The following TLL2 variants were observed in gnomAD, a reference collection of about 807,000 sequenced individuals.
TLL2 encodes the protein tolloid like 2.
In TLL2, 106 loss-of-function variants were observed where a neutral mutation model predicts 123.0. The observed-to-expected ratio is 0.86, with a 90% confidence interval of 0.74 to 1.01. The LOEUF is 1.01. Ranked by LOEUF, TLL2 falls within the 50% of genes least tolerant of loss-of-function variation. TLL2 has a pLI of 0.00. For missense variants in TLL2, 1,332 were observed against 1,336.7 expected (o/e 1.00, Z 0.06); for synonymous variants, 494 against 516.8 (o/e 0.96, Z 0.60).
intron 18 of TLL2, among the ~76,000 whole-genome samples, chr10:96,376,260 A>G (rs1374062941): frequency 6.6e-6 from 1 of 152,234 alleles, no homozygotes; most frequent in Admixed American, 6.5e-5. Context: ...ATCCATAAGA[A>G]TGTGTTTAGA....
intron 2 of TLL2, among the ~76,000 whole-genome samples, chr10:96,448,698 A>G (rs1846924653): frequency 6.6e-6 from 1 of 152,164 alleles, no homozygotes; most frequent in African/African-American, 2.4e-5. Context: ...ATGTAGGTGG[A>G]TATCTGGAGA....
chr10:96,379,191 T>A, intron 16 of TLL2, 99 bp from the exon 17 acceptor site: 4 of 1,437,238 alleles, frequency 2.8e-6, no homozygotes, highest in Non-Finnish European at 3.8e-6. Flanking sequence ...CTGGGAAGCC[T>A]CTCTGATTGC....
At chr10:96,422,408 C>T (rs907373148) in intron 6 of TLL2, 141 bp downstream of exon 6, 2 of 1,005,796 alleles carry the variant, frequency 2.0e-6, no homozygotes, top group South Asian at 1.6e-5. Context: ...GTGAGACGGG[C>T]CTGTACAACA....
At chr10:96,376,627 G>A in intron 18 of TLL2, 65 bp downstream of exon 18, 1 of 1,558,648 alleles carries the variant, frequency 6.4e-7, no homozygotes, top group South Asian at 1.2e-5. Context: ...GCAGAGCAGA[G>A]ACTCAAACGC....
chr10:96,451,790 T>C (rs541279964), intron 2 of TLL2, among the ~76,000 whole-genome samples: 6 of 152,324 alleles, frequency 3.9e-5, no homozygotes, highest in African/African-American at 9.6e-5. Flanking sequence ...CACACCGCCA[T>C]TGGGTGGAGA....
At chr10:96,410,262 G>A (rs1390750165) in intron 9 of TLL2, 97 bp downstream of exon 9, 5 of 864,738 alleles carry the variant, frequency 5.8e-6, no homozygotes, top group African/African-American at 1.7e-5. Flanking sequence ...GCTTATAACC[G>A]AACAGCTGTT....
chr10:96,379,589 A>T (rs1846167887), intron 16 of TLL2, among the ~76,000 whole-genome samples: 1 of 152,190 alleles, frequency 6.6e-6, no homozygotes. Context: ...TGGGAGGCCG[A>T]GGTGGGTGGA....
At chr10:96,372,724 G>A (rs967066192) in intron 19 of TLL2, among the ~76,000 whole-genome samples, 2 of 152,162 alleles carry the variant, frequency 1.3e-5, no homozygotes, top group Non-Finnish European at 2.9e-5. Flanking sequence ...TCATAGACCA[G>A]CAAAATACCT....
intron 1 of TLL2, among the ~76,000 whole-genome samples, chr10:96,486,811 G>A (rs983801954): frequency 7.2e-5 from 11 of 152,342 alleles, no homozygotes; most frequent in African/African-American, 1.9e-4. Flanking sequence ...GCAGAGCAGC[G>A]GGGGCCGCTC....
intron 1 of TLL2, among the ~76,000 whole-genome samples, chr10:96,494,473 G>A (rs1847450817): frequency 6.6e-6 from 1 of 152,134 alleles, no homozygotes. Context: ...CAAACACCCG[G>A]GTTTTATCCG....
intron 3 of TLL2, among the ~76,000 whole-genome samples, chr10:96,441,438 T>A (rs1846849665): frequency 6.6e-6 from 1 of 152,198 alleles, no homozygotes; most frequent in Non-Finnish European, 1.5e-5. Context: ...TTCTGGTGTC[T>A]GCCTCCCTGC....
intron 13 of TLL2, among the ~76,000 whole-genome samples, chr10:96,391,331 G>C (rs924272612): frequency 6.6e-6 from 1 of 152,350 alleles, no homozygotes; most frequent in East Asian, 1.9e-4. Context: ...AAGCTGATCT[G>C]CAAGAGAGCG....
At chr10:96,460,381 AGGTG>A (rs1227451051) in intron 2 of TLL2, among the ~76,000 whole-genome samples, 2 of 152,144 alleles carry the variant, frequency 1.3e-5, no homozygotes, top group East Asian at 3.9e-4. Context: ...TGGTATCTGG[AGGTG>A]GGACCTTTGA....
chr10:96,472,556 G>A (rs1469477777), intron 2 of TLL2, among the ~76,000 whole-genome samples: 1 of 151,988 alleles, frequency 6.6e-6, no homozygotes, highest in Non-Finnish European at 1.5e-5. Context: ...GAGCCCAGGA[G>A]TTCAAGACCA....
chr10:96,492,242 C>T (rs928769398), intron 1 of TLL2, among the ~76,000 whole-genome samples: 8 of 151,656 alleles, frequency 5.3e-5, no homozygotes, highest in African/African-American at 1.9e-4. Context: ...AAAAAAAGGC[C>T]ATGAGGGAGG....
At position 96,370,072 on chromosome 10, in the gene TLL2, C is replaced by T; in HGVS notation, c.2906G>A (p.Gly969Asp). 1.3e-6 allele frequency: 2 copies of T among 1,590,828 alleles called. No homozygotes were observed. Among genetic ancestry groups the T allele is most frequent in the Admixed American group, 1.7e-5 (1 of 58,414 alleles). Residue 969 changes from glycine to aspartate, a missense_variant, in exon 20 of 21, where the codon GGC becomes GAC. By Grantham distance (94) the Gly-to-Asp change is moderately conservative. Coordinates refer to ENST00000357947, the MANE Select transcript of TLL2 (RefSeq NM_012465.4). ...SSAPRLGRFC[G>D]SGPLEEIYSA... ...AGCGTCTCCGGGACTTACCCCAGAG[C>T]CACAGAAGCGGCCGAGCCTGGGCGC...
At chr10:96,463,964 C>T (rs11595674) in intron 2 of TLL2, among the ~76,000 whole-genome samples, 25,138 of 152,174 alleles carry the variant, frequency 0.17, 2,385 homozygotes, top group East Asian at 0.29. Context: ...AAGAAAGAAA[C>T]GAAGAGAGGA....
At chr10:96,504,839 T>C (rs1181195247) in intron 1 of TLL2, among the ~76,000 whole-genome samples, 3 of 151,946 alleles carry the variant, frequency 2.0e-5, no homozygotes, top group Non-Finnish European at 4.4e-5. Flanking sequence ...CCGTGTCATC[T>C]CTACTAAAAA....
At chr10:96,455,895 G>A (rs1172672457) in intron 2 of TLL2, among the ~76,000 whole-genome samples, 1 of 152,134 alleles carries the variant, frequency 6.6e-6, no homozygotes, top group Non-Finnish European at 1.5e-5. Flanking sequence ...GGTCTGGATC[G>A]GCACCCCTTT....
Sources: gnomAD v4.1 joint callset for allele counts (sites outside exome capture counted in the v4.1 genomes callset) on GRCh38, gnomAD v4.1.1 for gene constraint, MANE v1.5 for transcripts, NCBI Gene and HGNC (gene_info 2026-07-23, HGNC 2026-07-21) for gene names.